ARHGEF3: variants seen among roughly 807,000 people sequenced by gnomAD.
ARHGEF3 encodes the protein Rho guanine nucleotide exchange factor 3.
Under a neutral mutation model 63.2 loss-of-function variants are expected in ARHGEF3, and 28 were observed. The ratio of observed to expected loss-of-function variants is 0.44; its 90% CI spans 0.33 to 0.61. The LOEUF is 0.61. Among genes scored for constraint, ARHGEF3 ranks in the 20% least tolerant of loss-of-function variants. ARHGEF3 has a pLI of 0.03. For missense variants in ARHGEF3, 533 were observed against 659.3 expected, an observed-to-expected ratio of 0.81 and a Z score of 2.10; for synonymous variants, 266 against 254.2, an observed-to-expected ratio of 1.05 and a Z score of -0.44.
rs138127754 is a variant in ARHGEF3 at position 57,020,097 on chromosome 3, C to T, written c.62+14991G>A. On this transcript the variant is annotated intron_variant, in intron 2 of 12. Coordinates refer to the ARHGEF3 transcript ENST00000338458. ...ATTTTTAGTAGAAACGGAGTTTCAC[C>T]ATGTTAGTCAGGCTGGTCTCAAACT... Among the ~76,000 whole-genome samples, 9 of 152,278 alleles carry T rather than the reference C, an allele frequency of 5.9e-5. No individual in the cohort carries two copies. In the East Asian group the frequency reaches 1.7e-3, roughly 29 times the overall value.
At chr3:56,730,166 C>G (rs1185627817) in intron 9 of ARHGEF3, among the ~76,000 whole-genome samples, 1 of 152,130 alleles carries the variant, frequency 6.6e-6, no homozygotes. Context: ...GTACACCAAG[C>G]TGGAGCTTTT....
intron 3 of ARHGEF3, among the ~76,000 whole-genome samples, chr3:56,936,447 G>A (rs1444510350): frequency 1.3e-5 from 2 of 152,138 alleles, no homozygotes; most frequent in South Asian, 4.1e-4. Flanking sequence ...TGACAGCAGA[G>A]ACACTCCCCA....
intron 4 of ARHGEF3, among the ~76,000 whole-genome samples, chr3:56,845,132 G>A (rs753258411): frequency 1.3e-5 from 2 of 152,120 alleles, no homozygotes; most frequent in African/African-American, 4.8e-5. Flanking sequence ...ACCACAAGAA[G>A]CTGAATGCTG....
intron 1 of ARHGEF3, among the ~76,000 whole-genome samples, chr3:56,779,495 T>TG (rs995418415): frequency 1.6e-4 from 24 of 151,986 alleles, no homozygotes; most frequent in African/African-American, 4.3e-4. Flanking sequence ...TATTTTTTTT[T>TG]TTTGTTTGTT....
At chr3:56,812,594 T>G (rs2038108352) in intron 4 of ARHGEF3, among the ~76,000 whole-genome samples, 3 of 152,278 alleles carry the variant, frequency 2.0e-5, no homozygotes. Flanking sequence ...GTTTTTTTCC[T>G]CTTAACTTGC....
At chr3:57,061,830 T>C (rs987322538) in intron 1 of ARHGEF3, among the ~76,000 whole-genome samples, 1 of 152,186 alleles carries the variant, frequency 6.6e-6, no homozygotes, top group Non-Finnish European at 1.5e-5. Flanking sequence ...ATTATTTTCA[T>C]CCCCATTTTA....
intron 3 of ARHGEF3, among the ~76,000 whole-genome samples, chr3:56,900,912 G>A (rs916252980): frequency 4.6e-5 from 7 of 152,138 alleles, no homozygotes; most frequent in Admixed American, 3.3e-4. Flanking sequence ...CTGGATCTCA[G>A]TTTCATTATC....
chr3:56,790,375 C>G (rs1363570435), intron 1 of ARHGEF3, among the ~76,000 whole-genome samples: 1 of 152,210 alleles, frequency 6.6e-6, no homozygotes, highest in East Asian at 1.9e-4. Context: ...CATCATGCAT[C>G]TGTGGCTTAC....
intron 8 of ARHGEF3, among the ~76,000 whole-genome samples, chr3:56,733,331 CGGGGGGGGGG>C (rs59545488): frequency 6.0e-4 from 2 of 3,356 alleles, no homozygotes; most frequent in Non-Finnish European, 1.4e-3. Context: ...GTGGGCGGGG[CGGGGGGGGGG>C]GGGGGGCGCC....
At chr3:57,073,551 T>G in intron 1 of ARHGEF3, 1 of 1,352,534 alleles carries the variant, frequency 7.4e-7, no homozygotes, top group Non-Finnish European at 9.8e-7. Context: ...CCCGGGATGA[T>G]TGGTGGTGGG....
intron 3 of ARHGEF3, among the ~76,000 whole-genome samples, chr3:56,936,610 GT>G (rs1238766796): frequency 6.6e-6 from 1 of 152,142 alleles, no homozygotes; most frequent in Non-Finnish European, 1.5e-5. Context: ...AACAAATTAA[GT>G]CTTTAGATCC....
chr3:56,913,242 CATATA>C (rs1466341671), intron 3 of ARHGEF3, among the ~76,000 whole-genome samples: 2 of 151,792 alleles, frequency 1.3e-5, no homozygotes, highest in East Asian at 1.9e-4. Context: ...AATATATTTG[CATATA>C]ATATATCTGA....
intron 2 of ARHGEF3, among the ~76,000 whole-genome samples, chr3:56,961,291 G>C (rs945146127): frequency 6.6e-6 from 1 of 151,992 alleles, no homozygotes; most frequent in Non-Finnish European, 1.5e-5. Context: ...ATGATATAGT[G>C]GGAACATTGT....
intron 9 of ARHGEF3, among the ~76,000 whole-genome samples, chr3:56,730,343 TA>T (rs375084267): frequency 1.1e-4 from 16 of 149,158 alleles, no homozygotes; most frequent in African/African-American, 3.4e-4. Flanking sequence ...CATCTGCATT[TA>T]AAAAAAAATG....
intron 1 of ARHGEF3, among the ~76,000 whole-genome samples, chr3:57,038,284 G>A (rs1243873906): frequency 6.6e-6 from 1 of 152,196 alleles, no homozygotes; most frequent in South Asian, 2.1e-4. Flanking sequence ...TTCAGGAATC[G>A]GGTAAGGAAT....
chr3:56,857,062 T>C (rs978414954), intron 4 of ARHGEF3, among the ~76,000 whole-genome samples: 21 of 151,910 alleles, frequency 1.4e-4, no homozygotes, highest in Non-Finnish European at 2.9e-4. Flanking sequence ...ATAAAGGCAA[T>C]AATTTTTTAA....
intron 2 of ARHGEF3, among the ~76,000 whole-genome samples, chr3:57,002,371 T>C (rs538291525): frequency 2.1e-4 from 31 of 145,096 alleles, no homozygotes; most frequent in Non-Finnish European, 4.1e-4. Context: ...ATGGTAATAA[T>C]AAAATATAGT....
At chr3:56,867,591 G>C (rs1578716891) in intron 4 of ARHGEF3, among the ~76,000 whole-genome samples, 1 of 152,022 alleles carries the variant, frequency 6.6e-6, no homozygotes, top group Non-Finnish European at 1.5e-5. Context: ...TCCTGCTTCA[G>C]CCTCCCAAGT....
At chr3:57,010,368 A>G (rs1702643262) in intron 2 of ARHGEF3, among the ~76,000 whole-genome samples, 1 of 149,082 alleles carries the variant, frequency 6.7e-6, no homozygotes, top group African/African-American at 2.5e-5. Flanking sequence ...AGGCAGGAGA[A>G]TGGCGTGAAC....
Sources: allele counts gnomAD v4.1 joint callset (sites outside exome capture counted in the v4.1 genomes callset), GRCh38; gene constraint gnomAD v4.1.1; transcripts MANE v1.5; gene names NCBI Gene and HGNC (gene_info 2026-07-23, HGNC 2026-07-21).